The following PRKG1 variants were observed in gnomAD, a reference collection of about 807,000 sequenced individuals.
PRKG1 encodes the protein cGMP-dependent protein kinase 1.
PRKG1 carries 35 observed loss-of-function variants against 88.1 expected under a neutral mutation model. That is an observed-to-expected ratio of 0.40 (90% CI 0.30 to 0.53). The LOEUF (loss-of-function observed/expected upper bound fraction) is 0.53, where lower values mean the gene tolerates loss of function less well. PRKG1 is among the 20% of genes least tolerant of loss of function. PRKG1 has a pLI of 0.59. For missense variants in PRKG1, 540 were observed against 839.8 expected, an observed-to-expected ratio of 0.64 and a Z score of 4.41; for synonymous variants, 303 against 292.5, an observed-to-expected ratio of 1.04 and a Z score of -0.37.
chr10:51,513,517 C>T (rs954253143), intron 3 of PRKG1, among the ~76,000 whole-genome samples: 2 of 112,320 alleles, frequency 1.8e-5, no homozygotes, highest in Admixed American at 2.2e-4. Flanking sequence ...CTACAGAACT[C>T]TCCACCTCAA....
chr10:52,225,105 T>A (rs1840359934), intron 9 of PRKG1, among the ~76,000 whole-genome samples: 1 of 152,034 alleles, frequency 6.6e-6, no homozygotes, highest in Non-Finnish European at 1.5e-5. Flanking sequence ...CCACCAACAG[T>A]GTAAGTGTCC....
At chr10:51,886,475 T>C (rs181148636) in intron 4 of PRKG1, among the ~76,000 whole-genome samples, 76 of 152,282 alleles carry the variant, frequency 5.0e-4, no homozygotes, top group Non-Finnish European at 8.8e-4. Context: ...CCAGTACTTT[T>C]CATGTAATAT....
chr10:51,891,534 G>A (rs1026681197), intron 4 of PRKG1, among the ~76,000 whole-genome samples: 3 of 152,080 alleles, frequency 2.0e-5, no homozygotes, highest in Non-Finnish European at 2.9e-5. Flanking sequence ...TCTAAAAGGT[G>A]AAAAATTATG....
chr10:51,942,720 C>T (rs760048048), intron 5 of PRKG1, among the ~76,000 whole-genome samples: 2,682 of 150,926 alleles, frequency 0.018, 37 homozygotes, highest in Non-Finnish European at 0.028. Context: ...ATCCTTTCCC[C>T]ATTGCTTGTT....
chr10:51,113,851 C>T (rs888469567), intron 1 of PRKG1, among the ~76,000 whole-genome samples: 10 of 151,330 alleles, frequency 6.6e-5, no homozygotes, highest in African/African-American at 1.2e-4. Context: ...TAGCAGTTGG[C>T]GTTGCACCTA....
intron 2 of PRKG1, among the ~76,000 whole-genome samples, chr10:51,311,967 G>T (rs1405635243): frequency 1.3e-5 from 2 of 152,126 alleles, no homozygotes; most frequent in African/African-American, 2.4e-5. Context: ...TGCCTCCCGG[G>T]TTCAAGTGAT....
At chr10:51,916,976 T>G (rs755228286) in intron 5 of PRKG1, among the ~76,000 whole-genome samples, 2 of 152,034 alleles carry the variant, frequency 1.3e-5, no homozygotes, top group Non-Finnish European at 2.9e-5. Flanking sequence ...AATCTATATA[T>G]AGAGAAAGTA....
At chr10:51,536,745 A>T (rs1288687131) in intron 3 of PRKG1, among the ~76,000 whole-genome samples, 1 of 151,290 alleles carries the variant, frequency 6.6e-6, no homozygotes, top group African/African-American at 2.4e-5. Context: ...GGTGTGCTGC[A>T]CCCATTAACT....
At chr10:51,771,033 G>A (rs1838290964) in intron 3 of PRKG1, among the ~76,000 whole-genome samples, 1 of 152,104 alleles carries the variant, frequency 6.6e-6, no homozygotes, top group Non-Finnish European at 1.5e-5. Flanking sequence ...GCTTCTAAGA[G>A]ACAAACCTGT....
At chr10:51,479,334 G>C (rs1228768350) in intron 3 of PRKG1, among the ~76,000 whole-genome samples, 4 of 151,956 alleles carry the variant, frequency 2.6e-5, no homozygotes, top group African/African-American at 9.7e-5. Flanking sequence ...AGAATACTTT[G>C]ACATTTTGGC....
chr10:51,388,226 G>A (rs141963467), intron 2 of PRKG1, among the ~76,000 whole-genome samples: 28 of 152,136 alleles, frequency 1.8e-4, no homozygotes, highest in African/African-American at 6.3e-4. Context: ...ATTTTAAAGT[G>A]TTCCCTATAG....
At chr10:52,149,605 G>GT (rs1309735910) in intron 8 of PRKG1, among the ~76,000 whole-genome samples, 1 of 151,974 alleles carries the variant, frequency 6.6e-6, no homozygotes, top group African/African-American at 2.4e-5. Context: ...TGAGGATGCC[G>GT]TGAGTAGGGG....
intron 2 of PRKG1, among the ~76,000 whole-genome samples, chr10:51,309,891 A>C (rs1233846437): frequency 6.6e-6 from 1 of 152,238 alleles, no homozygotes; most frequent in Non-Finnish European, 1.5e-5. Flanking sequence ...TGGTATACAT[A>C]TGTACAATGG....
At chr10:52,267,059 CAT>C (rs1233110196) in intron 10 of PRKG1, among the ~76,000 whole-genome samples, 1 of 151,954 alleles carries the variant, frequency 6.6e-6, no homozygotes, top group Non-Finnish European at 1.5e-5. Context: ...TCATCATCAT[CAT>C]CATCATCATC....
intron 2 of PRKG1, among the ~76,000 whole-genome samples, chr10:51,451,572 C>T (rs1434735630): frequency 6.6e-6 from 1 of 151,858 alleles, no homozygotes; most frequent in East Asian, 1.9e-4. Flanking sequence ...GAATTTGACT[C>T]CAGAGAAACC....
intron 7 of PRKG1, chr10:52,127,924 G>A: frequency 1.4e-6 from 1 of 734,856 alleles, no homozygotes; most frequent in Non-Finnish European, 1.7e-6. Flanking sequence ...ATCTGCCAAG[G>A]GATCCAATTT....
intron 7 of PRKG1, among the ~76,000 whole-genome samples, chr10:52,122,876 A>G (rs1847851686): frequency 6.6e-6 from 1 of 152,226 alleles, no homozygotes; most frequent in South Asian, 2.1e-4. Context: ...CAAATGTGGA[A>G]TATGGAAGAT....
intron 3 of PRKG1, among the ~76,000 whole-genome samples, chr10:51,577,299 TCC>T (rs1170590260): frequency 6.6e-6 from 1 of 151,988 alleles, no homozygotes; most frequent in African/African-American, 2.4e-5. Context: ...CAAAAATATT[TCC>T]CATGTAGTAT....
intron 2 of PRKG1, among the ~76,000 whole-genome samples, chr10:51,429,530 T>A (rs1415382445): frequency 6.6e-6 from 1 of 152,136 alleles, no homozygotes; most frequent in East Asian, 1.9e-4. Context: ...ACAGAAACTT[T>A]AAATTAGCTG....
Sources: gnomAD v4.1 joint callset for allele counts (sites outside exome capture counted in the v4.1 genomes callset) on GRCh38, gnomAD v4.1.1 for gene constraint, MANE v1.5 for transcripts, NCBI Gene and HGNC (gene_info 2026-07-23, HGNC 2026-07-21) for gene names.